Variants in COIL observed in about 807,000 individuals in gnomAD.
COIL encodes the protein coilin.
A neutral mutation model predicts 51.6 loss-of-function variants in COIL; 28 were observed. The ratio of observed to expected loss-of-function variants is 0.54; its 90% CI spans 0.40 to 0.74. COIL has a LOEUF of 0.74. Ranked by LOEUF, COIL falls within the 30% of genes least tolerant of loss-of-function variation. The pLI is 0.00. For missense variants in COIL, 667 were observed against 685.9 expected (o/e 0.97, Z 0.31); for synonymous variants, 233 against 255.8 (o/e 0.91, Z 0.85).
intron 5 of COIL, among the ~76,000 whole-genome samples, chr17:56,942,523 CT>C (rs886334028): frequency 8.8e-5 from 13 of 148,534 alleles, no homozygotes; most frequent in South Asian, 2.1e-4. Flanking sequence ...GGCAGTCCCC[CT>C]TTTTTTTTTA....
In COIL at chr17:56,952,791, T is replaced by TTGTG. The variant is rs145341247; in HGVS notation, c.246-1799_246-1796dup. 2.1e-3 allele frequency among the ~76,000 whole-genome samples: 317 copies of TTGTG among 149,006 alleles called. 1 individual carries two copies. The East Asian group carries it at 0.029, about 14-fold the overall frequency. On this transcript the variant is annotated intron_variant, in intron 1 of 6. Coordinates refer to ENST00000240316, the MANE Select transcript of COIL (RefSeq NM_004645.3). ...AAATCCCATGTCTGTGAGTGAGTAT[T>TTGTG]TGTGTGTGTGTGTGTGTGTGTGTGT...
At position 56,960,139 on chromosome 17, in the gene COIL, G is replaced by C. The variant is rs529130817; in HGVS notation, c.245+636C>G. Among the ~76,000 whole-genome samples, 8 of 152,190 alleles carry C rather than the reference G, an allele frequency of 5.3e-5. No individual in the cohort carries two copies. In the East Asian group the frequency reaches 1.4e-3, roughly 26 times the overall value. On this transcript the variant is annotated intron_variant, in intron 1 of 6. Coordinates refer to ENST00000240316, the MANE Select transcript of COIL (RefSeq NM_004645.3). ...CTCGGGAGGCTGAGGTGGGAGGATC[G>C]ATTGAACCCGGGAGGTGGAGGCTGC...
chr17:56,952,593 A>G (rs1254029366), intron 1 of COIL, among the ~76,000 whole-genome samples: 2 of 152,284 alleles, frequency 1.3e-5, no homozygotes, highest in South Asian at 4.1e-4. Flanking sequence ...AAGACTGAGT[A>G]AGGGAGAATT....
chr17:56,939,197 G>T, intron 6 of COIL, 43 bp from the exon 7 acceptor site: 7 of 1,042,776 alleles, frequency 6.7e-6, no homozygotes, highest in Non-Finnish European at 7.5e-6. Flanking sequence ...ACTTCATTTT[G>T]AGGTCATACC....
chr17:56,942,577 G>A (rs995793075), intron 5 of COIL, among the ~76,000 whole-genome samples: 2 of 151,976 alleles, frequency 1.3e-5, no homozygotes, highest in Non-Finnish European at 2.9e-5. Flanking sequence ...GTGTAGTGGC[G>A]CAATCTCGAC....
At chr17:56,954,807 G>GA (rs1050227498) in intron 1 of COIL, among the ~76,000 whole-genome samples, 52 of 141,114 alleles carry the variant, frequency 3.7e-4, no homozygotes, top group East Asian at 4.1e-4. Context: ...CATCTGGGAA[G>GA]AAAAAAAAAA....
intron 5 of COIL, among the ~76,000 whole-genome samples, chr17:56,942,397 GCAC>G (rs1055211304): frequency 3.9e-5 from 6 of 152,150 alleles, no homozygotes; most frequent in Middle Eastern, 3.4e-3. Context: ...ATTGAATATG[GCAC>G]CACAAGATAA....
chr17:56,946,953 C>A (rs139842354), intron 4 of COIL, among the ~76,000 whole-genome samples: 1 of 152,258 alleles, frequency 6.6e-6, no homozygotes, highest in East Asian at 1.9e-4. Flanking sequence ...CTTTTAGAAC[C>A]CTTCTAAAAC....
At position 56,950,036 on chromosome 17, in the gene COIL, A is replaced by G; in HGVS notation, c.1206T>C (p.Phe402=). Residue 402 remains phenylalanine, a synonymous_variant, in exon 2 of 7, where the codon TTT becomes TTC. Coordinates refer to ENST00000240316, the MANE Select transcript of COIL (RefSeq NM_004645.3). ...CCCGTCCCTTAGCTCCCTTCCAAGAAAAAAGGTTCTCTTCTCTACCCCATC... is the reference window on the plus strand; with the variant it reads ...CCCGTCCCTTAGCTCCCTTCCAAGAGAAAAGGTTCTCTTCTCTACCCCATC... ...GRGWGREENL[F]SWKGAKGRGM... is the part of the protein sequence containing the mutation. 1.2e-6 allele frequency: 2 copies of G among 1,614,104 alleles called. No homozygotes were observed. Among genetic ancestry groups the G allele is most frequent in the Non-Finnish European group, 1.7e-6 (2 of 1,180,004 alleles).
chr17:56,956,834 A>C (rs1910493246), intron 1 of COIL, among the ~76,000 whole-genome samples: 1 of 152,090 alleles, frequency 6.6e-6, no homozygotes, highest in Non-Finnish European at 1.5e-5. Flanking sequence ...AGCTCAGGCA[A>C]TCTGCCTGCC....
At chr17:56,940,159 G>C (rs1280825650) in intron 6 of COIL, 1 of 152,206 alleles carries the variant, frequency 6.6e-6, no homozygotes, top group Non-Finnish European at 1.5e-5. Flanking sequence ...CTGGAATGCA[G>C]TGGCATTCAG....
At chr17:56,960,207 G>C (rs1276648966) in intron 1 of COIL, among the ~76,000 whole-genome samples, 4 of 129,618 alleles carry the variant, frequency 3.1e-5, no homozygotes, top group Non-Finnish European at 6.6e-5. Flanking sequence ...CTGGGTGACA[G>C]AATGAGACTC....
At chr17:56,957,631 A>T (rs927057098) in intron 1 of COIL, among the ~76,000 whole-genome samples, 1 of 152,068 alleles carries the variant, frequency 6.6e-6, no homozygotes, top group Non-Finnish European at 1.5e-5. Flanking sequence ...CAAGAAAAAT[A>T]AATAAATTAA....
At chr17:56,955,371 C>G (rs749885440) in intron 1 of COIL, among the ~76,000 whole-genome samples, 1 of 152,164 alleles carries the variant, frequency 6.6e-6, no homozygotes, top group Non-Finnish European at 1.5e-5. Flanking sequence ...GCTATCCCCA[C>G]TTTTCATTCT....
chr17:56,942,726 G>C (rs1910171417), intron 5 of COIL, among the ~76,000 whole-genome samples: 1 of 152,118 alleles, frequency 6.6e-6, no homozygotes, highest in Non-Finnish European at 1.5e-5. Flanking sequence ...ATGTTGGCCA[G>C]GTTGGTCTCA....
At chr17:56,942,825 G>A (rs1197251791) in intron 5 of COIL, among the ~76,000 whole-genome samples, 1 of 151,988 alleles carries the variant, frequency 6.6e-6, no homozygotes, top group African/African-American at 2.4e-5. Flanking sequence ...CTCAGTCCTT[G>A]CTTTCTATGG....
At chr17:56,941,977 G>GATT (rs758888197) in intron 6 of COIL, 58 bp downstream of exon 6, 166 of 1,369,026 alleles carry the variant, frequency 1.2e-4, no homozygotes, top group Non-Finnish European at 1.7e-4. Flanking sequence ...CCAAACCACA[G>GATT]GTAATTGGTC....
chr17:56,953,080 C>T (rs1339156440), intron 1 of COIL, among the ~76,000 whole-genome samples: 1 of 152,042 alleles, frequency 6.6e-6, no homozygotes, highest in Middle Eastern at 3.2e-3. Context: ...GAGTTTAAGA[C>T]CAGCCTGGGC....
At chr17:56,958,065 A>C (rs1408106241) in intron 1 of COIL, among the ~76,000 whole-genome samples, 1 of 152,016 alleles carries the variant, frequency 6.6e-6, no homozygotes, top group Non-Finnish European at 1.5e-5. Context: ...GGCTGGTCAG[A>C]CTCATCTTTT....
Sources: gnomAD v4.1 joint callset for allele counts (sites outside exome capture counted in the v4.1 genomes callset) on GRCh38, gnomAD v4.1.1 for gene constraint, MANE v1.5 for transcripts, NCBI Gene and HGNC (gene_info 2026-07-23, HGNC 2026-07-21) for gene names.